NIPBL: variants seen among roughly 807,000 people sequenced by gnomAD.
NIPBL encodes the protein nipped-B-like protein.
In NIPBL, 19 loss-of-function variants were observed where a neutral mutation model predicts 321.8. The ratio of observed to expected loss-of-function variants is 0.06; its 90% CI spans 0.04 to 0.09. The LOEUF (loss-of-function observed/expected upper bound fraction) is 0.09, where lower values mean the gene tolerates loss of function less well. Among genes scored for constraint, NIPBL ranks in the 10% least tolerant of loss-of-function variants. The pLI is 1.00. For missense variants in NIPBL, 2,210 were observed against 3,327.0 expected, an observed-to-expected ratio of 0.66 and a Z score of 8.26; for synonymous variants, 1,106 against 1,114.1, an observed-to-expected ratio of 0.99 and a Z score of 0.14.
intron 1 of NIPBL, among the ~76,000 whole-genome samples, chr5:36,921,562 C>T (rs767076218): frequency 6.6e-6 from 1 of 151,994 alleles, no homozygotes; most frequent in Non-Finnish European, 1.5e-5. Context: ...GGGCATTTGT[C>T]GAGATAAGTT....
Position 37,003,356 on chromosome 5 carries a change from A to G in NIPBL, c.3855+9A>G. ...CCACTTTGTTAAATCATGTAAGTTT[A>G]AGATCCATACTGTTAATTTTACCCT... On this transcript the variant is annotated intron_variant, in intron 16 of 46. Transcript: ENST00000282516. 1 of 1,506,694 alleles carries G rather than the reference A, an allele frequency of 6.6e-7. No individual in the cohort carries two copies. The highest frequency in any genetic ancestry group is 9.2e-7 in the Non-Finnish European group (1 of 1,083,158). 93.3% of individuals were successfully genotyped at this position (1,506,694 alleles called of 1,614,324 possible).
chr5:37,045,413 T>A, intron 36 of NIPBL, 30 bp from the exon 37 acceptor site: 1 of 1,474,958 alleles, frequency 6.8e-7, no homozygotes, highest in Non-Finnish European at 9.4e-7. Context: ...AAGATAAATA[T>A]TATAAGTAAA....
intron 9 of NIPBL, chr5:36,982,333 G>A (rs1227420246): frequency 2.9e-6 from 1 of 350,094 alleles, no homozygotes; most frequent in Admixed American, 6.5e-5. Flanking sequence ...GGACAAAAGT[G>A]ACCTGTACAG....
intron 9 of NIPBL, among the ~76,000 whole-genome samples, chr5:36,977,690 T>C (rs939578992): frequency 2.0e-5 from 3 of 151,574 alleles, no homozygotes; most frequent in Non-Finnish European, 4.4e-5. Flanking sequence ...TTTGGGCTTG[T>C]AGTGAACCCG....
At chr5:36,911,606 G>A (rs1375405874) in intron 1 of NIPBL, among the ~76,000 whole-genome samples, 3 of 152,114 alleles carry the variant, frequency 2.0e-5, no homozygotes, top group Non-Finnish European at 4.4e-5. Context: ...TCTTCCTAGA[G>A]CAGAGTACAT....
chr5:37,058,183 C>T (rs553325590), intron 43 of NIPBL, among the ~76,000 whole-genome samples: 1 of 152,324 alleles, frequency 6.6e-6, no homozygotes, highest in African/African-American at 2.4e-5. Flanking sequence ...GAAACAGAAT[C>T]TGCATCTTCA....
chr5:37,059,463 C>T (rs577974389), intron 44 of NIPBL, among the ~76,000 whole-genome samples: 12 of 152,206 alleles, frequency 7.9e-5, no homozygotes, highest in East Asian at 3.9e-4. Flanking sequence ...GCTGAGATTA[C>T]GCCACTGCAC....
At chr5:37,005,627 T>C (rs1747341056) in intron 16 of NIPBL, among the ~76,000 whole-genome samples, 1 of 152,204 alleles carries the variant, frequency 6.6e-6, no homozygotes, top group Non-Finnish European at 1.5e-5. Flanking sequence ...TTACATATTA[T>C]ATATCGTGTT....
intron 32 of NIPBL, among the ~76,000 whole-genome samples, chr5:37,035,892 A>G (rs186606517): frequency 6.6e-6 from 1 of 152,348 alleles, no homozygotes; most frequent in Non-Finnish European, 1.5e-5. Context: ...CTCATTATTC[A>G]TAACACTTTT....
intron 1 of NIPBL, among the ~76,000 whole-genome samples, chr5:36,943,203 G>A (rs190790296): frequency 3.9e-5 from 6 of 152,028 alleles, no homozygotes; most frequent in South Asian, 4.2e-4. Context: ...GTAAGCTTTC[G>A]GGATACAGAA....
chr5:37,049,058 A>G (rs1753257977), intron 39 of NIPBL, 53 bp from the exon 40 acceptor site: 2 of 1,572,084 alleles, frequency 1.3e-6, no homozygotes, highest in Non-Finnish European at 8.8e-7. Flanking sequence ...AATATTTAGT[A>G]AAGTTAGTAT....
chr5:36,893,468 A>G (rs1746498956), intron 1 of NIPBL, among the ~76,000 whole-genome samples: 1 of 152,120 alleles, frequency 6.6e-6, no homozygotes, highest in South Asian at 2.1e-4. Flanking sequence ...CTTGAGAGGT[A>G]GCATATCAGA....
At chr5:37,056,068 T>C (rs1185830484) in intron 42 of NIPBL, among the ~76,000 whole-genome samples, 1 of 152,088 alleles carries the variant, frequency 6.6e-6, no homozygotes, top group African/African-American at 2.4e-5. Context: ...ATACAGGGCT[T>C]TTATGGATGT....
intron 10 of NIPBL, among the ~76,000 whole-genome samples, chr5:36,991,555 T>C (rs1194533842): frequency 6.6e-6 from 1 of 152,068 alleles, no homozygotes; most frequent in Admixed American, 6.5e-5. Flanking sequence ...TGCCCCCTAC[T>C]TTTCTGTAAT....
intron 20 of NIPBL, 125 bp from the exon 21 acceptor site, chr5:37,009,962 C>T: frequency 5.3e-6 from 4 of 747,974 alleles, no homozygotes; most frequent in Non-Finnish European, 7.0e-6. Flanking sequence ...CATAAGAACA[C>T]AATAAGCACT....
intron 32 of NIPBL, among the ~76,000 whole-genome samples, chr5:37,028,186 A>T (rs1344373980): frequency 1.3e-5 from 2 of 152,030 alleles, no homozygotes; most frequent in East Asian, 1.9e-4. Flanking sequence ...GAATTGTTAA[A>T]TTTTTTATTT....
intron 1 of NIPBL, chr5:36,885,348 T>C (rs1200278201): frequency 4.2e-6 from 2 of 475,838 alleles, no homozygotes; most frequent in Non-Finnish European, 8.3e-6. Flanking sequence ...CGGATCTCCG[T>C]GTCCTGTTCC....
chr5:36,943,477 G>A (rs1321000603), intron 1 of NIPBL, among the ~76,000 whole-genome samples: 1 of 152,012 alleles, frequency 6.6e-6, no homozygotes, highest in Non-Finnish European at 1.5e-5. Context: ...TAGATTGAAT[G>A]CTATATCTAT....
At chr5:37,020,701 A>G (rs766471877) in intron 26 of NIPBL, 28 bp downstream of exon 26, 4 of 1,597,780 alleles carry the variant, frequency 2.5e-6, no homozygotes, top group Non-Finnish European at 3.4e-6. Flanking sequence ...AACAGTTTAC[A>G]TTTATCTCCT....
Sources: gnomAD v4.1 joint callset for allele counts (sites outside exome capture counted in the v4.1 genomes callset) on GRCh38, gnomAD v4.1.1 for gene constraint, MANE v1.5 for transcripts, NCBI Gene and HGNC (gene_info 2026-07-23, HGNC 2026-07-21) for gene names.